PHF3: variants seen among roughly 807,000 people sequenced by gnomAD.
PHF3 encodes the protein PHD finger protein 3.
PHF3 carries 41 observed loss-of-function variants against 178.4 expected under a neutral mutation model. That is an observed-to-expected ratio of 0.23 (90% confidence interval 0.18 to 0.30). PHF3 has a LOEUF of 0.30. PHF3 is among the 10% of genes least tolerant of loss of function. The probability of loss-of-function intolerance (pLI) is 1.00; values close to 1 mark genes in which losing one functional copy is unlikely to be tolerated. For missense variants in PHF3, 2,346 were observed against 2,398.1 expected (o/e 0.98, Z 0.45); for synonymous variants, 842 against 800.5 (o/e 1.05, Z -0.88).
intron 4 of PHF3, among the ~76,000 whole-genome samples, chr6:63,687,167 A>G (rs1215216496): frequency 6.6e-6 from 1 of 152,194 alleles, no homozygotes; most frequent in Non-Finnish European, 1.5e-5. Context: ...CTGTAATCCC[A>G]GCACTTTGGG....
chr6:63,701,602 C>T (rs1481221852), intron 9 of PHF3, among the ~76,000 whole-genome samples: 1 of 152,168 alleles, frequency 6.6e-6, no homozygotes, highest in Non-Finnish European at 1.5e-5. Context: ...TATTTAGTTA[C>T]ATCTCAGGCA....
At chr6:63,679,851 A>G (rs1418547319) in intron 2 of PHF3, 149 bp from the exon 3 acceptor site, 1 of 719,694 alleles carries the variant, frequency 1.4e-6, no homozygotes, top group African/African-American at 1.7e-5. Flanking sequence ...GGTAGTGGCA[A>G]TTTCACATGT....
rs1561994376 is a variant in PHF3 at position 63,721,728 on chromosome 6, A to G, written c.*8020A>G. ...TACTTTTTGGAGAGTTTCTAGAATG[A>G]TAGTTCTGTCGCCAAGGTTGTAGCG... On this transcript the variant is annotated 3_prime_UTR_variant, in exon 16 of 16. Transcript: ENST00000262043. 6.4e-7 allele frequency: 1 copy of G among 1,551,094 alleles called. No individual in the cohort carries two copies. The highest frequency in any genetic ancestry group is 2.0e-5 in the Admixed American group (1 of 50,976).
chr6:63,635,897 G>A lies in PHF3; in HGVS notation c.-279G>A. The stretch of plus-strand genomic sequence containing the variant: ...CGCGCCGTCGCACCGTCCCCACGCG[G>A]CAAGCGACCTTCGGGCTCAGGGCGG... On this transcript the variant is annotated 5_prime_UTR_variant, in exon 1 of 16. Transcript: ENST00000262043. 1 of 397,904 alleles carries A rather than the reference G, an allele frequency of 2.5e-6. No homozygotes were observed. Among genetic ancestry groups the A allele is most frequent in the Non-Finnish European group, 4.4e-6 (1 of 225,612 alleles). The allele number at this position is 397,904 out of a possible 1,614,324, so 24.6% of individuals were successfully genotyped here.
chr6:63,636,013 T>A lies in PHF3; in HGVS notation c.-163T>A, dbSNP rs904854097. 1 of 397,318 alleles carries A rather than the reference T, an allele frequency of 2.5e-6. No individual in the cohort carries two copies. The highest frequency in any genetic ancestry group is 4.4e-6 in the Non-Finnish European group (1 of 225,236). 24.6% of individuals were successfully genotyped at this position (397,318 alleles called of 1,614,324 possible). ...ATTTGGTCCCAGGAGGAAAAGAGGC[T>A]GTGGCAGCGACGCCGACGTCCTGCG... On this transcript the variant is annotated 5_prime_UTR_variant, in exon 1 of 16. Transcript: ENST00000262043.
chr6:63,677,873 G>A (rs957838160), intron 2 of PHF3, among the ~76,000 whole-genome samples: 1 of 152,110 alleles, frequency 6.6e-6, no homozygotes, highest in Non-Finnish European at 1.5e-5. Context: ...TTAATGAAAA[G>A]TAGTCTTAAA....
chr6:63,712,778 T>G lies in PHF3; in HGVS notation c.5190T>G (p.Thr1730=), dbSNP rs1288197818. 1.2e-6 allele frequency: 2 copies of G among 1,613,936 alleles called. No individual in the cohort carries two copies. The highest frequency in any genetic ancestry group is 2.2e-5 in the South Asian group (2 of 91,082). Residue 1730 remains threonine (T), a synonymous_variant, in exon 16 of 16, where the codon ACT becomes ACG. Transcript: ENST00000262043. ...QNSPSVENIQ[T]SQAEQAKPLQ... ...CACCATCAGTAGAAAACATACAGAC[T>G]TCTCAAGCAGAACAAGCAAAACCCT...
chr6:63,720,756 T>C lies in PHF3; in HGVS notation c.*7048T>C. Reference sequence around the variant, plus strand: ...AGTAACGATATTTACCTTTCTACCATATTCAAAGCCCCCTAGATAACAAAT... The same window carrying C: ...AGTAACGATATTTACCTTTCTACCACATTCAAAGCCCCCTAGATAACAAAT... On this transcript the variant is annotated 3_prime_UTR_variant, in exon 16 of 16. Transcript: ENST00000262043. 6.4e-7 allele frequency: 1 copy of C among 1,550,514 alleles called. No individual in the cohort carries two copies. Among genetic ancestry groups the C allele is most frequent in the South Asian group, 1.2e-5 (1 of 83,936 alleles).
chr6:63,685,615 G>A lies in PHF3; in HGVS notation c.1893G>A (p.Gln631=). The change falls in exon 4 of 16, where the codon CAG becomes CAA. Residue 631 remains glutamine, a synonymous_variant. Coordinates refer to ENST00000262043, the MANE Select transcript of PHF3 (RefSeq NM_001370348.2). ...HSSQKQCHKP[Q]QQAPAMKTNS... is the part of the protein sequence containing the mutation. The stretch of plus-strand genomic sequence containing the variant: ...GCCAGAAACAGTGTCATAAGCCTCA[G>A]CAACAGGCCCCAGCAATGAAAACCA... The A allele has an allele frequency of 6.2e-7, 1 of 1,614,050 alleles. No homozygotes were observed. The highest frequency in any genetic ancestry group is 8.5e-7 in the Non-Finnish European group (1 of 1,180,010).
chr6:63,712,799 AC>A lies in PHF3; in HGVS notation c.5214del (p.Leu1739TyrfsTer6). 1.9e-6 allele frequency: 3 copies of A among 1,613,976 alleles called. No homozygotes were observed. Among genetic ancestry groups the A allele is most frequent in the Non-Finnish European group, 2.5e-6 (3 of 1,179,954 alleles). ...AGACTTCTCAAGCAGAACAAGCAAAACCCTTACAGGAGGATATTTTAATGCA... is the reference window on the plus strand; with the variant it reads ...AGACTTCTCAAGCAGAACAAGCAAAACCTTACAGGAGGATATTTTAATGCA... ...IQTSQAEQAK[P>X]LQEDILMQNI... is the part of the protein sequence containing the mutation. On this transcript the variant is annotated frameshift_variant, in exon 16 of 16. Transcript: ENST00000262043. LOFTEE classifies it high-confidence loss of function.
chr6:63,705,257 C>A (rs1234590440), intron 11 of PHF3, among the ~76,000 whole-genome samples: 2 of 152,122 alleles, frequency 1.3e-5, no homozygotes, highest in African/African-American at 4.8e-5. Context: ...TTCATTTTAG[C>A]TTGTCTGAGT....
In PHF3 at chr6:63,698,347, C is replaced by T. The variant is rs1767322872; in HGVS notation, c.2805C>T (p.Leu935=). The change falls in exon 7 of 16, where the codon CTC becomes CTT. Residue 935 remains leucine (L), a synonymous_variant. Transcript: ENST00000262043. ...DQIRQSVRHS[L]KDILMKRLTD... is the part of the protein sequence containing the mutation. ...TCAGGCAAAGTGTCAGACATTCTCT[C>T]AAAGACATTCTTATGAAGAGGTAAC... is the stretch of plus-strand genomic sequence containing the variant. The T allele has an allele frequency of 6.2e-7, 1 of 1,610,718 alleles. No homozygotes were observed. Among genetic ancestry groups the T allele is most frequent in the Non-Finnish European group, 8.5e-7 (1 of 1,178,162 alleles).
rs530213893 is a variant in PHF3, at chr6:63,716,462, C to T, written c.*2754C>T. The stretch of plus-strand genomic sequence containing the variant: ...CCAAAAACCTGTAAGTTCTTTTGTA[C>T]GGATTTGCAAAATTTATATTAATCA... On this transcript the variant is annotated 3_prime_UTR_variant, in exon 16 of 16. Coordinates refer to ENST00000262043, the MANE Select transcript of PHF3 (RefSeq NM_001370348.2). 7.9e-5 allele frequency among the ~76,000 whole-genome samples: 12 copies of T among 152,208 alleles called. No homozygotes were observed. Among genetic ancestry groups the T allele is most frequent in the East Asian group, 5.8e-4 (3 of 5,184 alleles).
At chr6:63,640,132 A>G (rs1239995362) in intron 1 of PHF3, among the ~76,000 whole-genome samples, 1 of 152,204 alleles carries the variant, frequency 6.6e-6, no homozygotes, top group Non-Finnish European at 1.5e-5. Flanking sequence ...TCTTGCCAAT[A>G]GATTCTAACT....
At chr6:63,649,448 G>A (rs1280687217) in intron 2 of PHF3, among the ~76,000 whole-genome samples, 38 of 152,142 alleles carry the variant, frequency 2.5e-4, no homozygotes, top group Admixed American at 2.5e-3. Flanking sequence ...ACCAATGAAA[G>A]CTATAGACTG....
intron 2 of PHF3, among the ~76,000 whole-genome samples, chr6:63,665,486 GT>G (rs11427203): frequency 0.011 from 1,220 of 111,176 alleles, 6 homozygotes; most frequent in African/African-American, 0.039. Flanking sequence ...GTTTTTTTTT[GT>G]TTTTTTTTTT....
intron 2 of PHF3, among the ~76,000 whole-genome samples, chr6:63,671,169 G>A (rs1206129990): frequency 6.6e-6 from 1 of 151,828 alleles, no homozygotes; most frequent in Non-Finnish European, 1.5e-5. Flanking sequence ...TAACATTCCA[G>A]GGATCAGCAG....
At chr6:63,704,096 G>T (rs945972504) in intron 11 of PHF3, among the ~76,000 whole-genome samples, 2 of 152,064 alleles carry the variant, frequency 1.3e-5, no homozygotes, top group Admixed American at 1.3e-4. Context: ...ATTTTTAAGA[G>T]CACTTTTAGG....
chr6:63,681,863 A>T (rs949598507), intron 3 of PHF3, among the ~76,000 whole-genome samples: 1 of 151,938 alleles, frequency 6.6e-6, no homozygotes, highest in Non-Finnish European at 1.5e-5. Flanking sequence ...GAAACTTCTA[A>T]GTGTGGGGAT....
Sources: allele counts gnomAD v4.1 joint callset (sites outside exome capture counted in the v4.1 genomes callset), GRCh38; gene constraint gnomAD v4.1.1; transcripts MANE v1.5; gene names NCBI Gene and HGNC (gene_info 2026-07-23, HGNC 2026-07-21).